Variants in FDCSP observed in about 807,000 individuals in gnomAD.
The protein encoded by FDCSP is follicular dendritic cell secreted protein, also known as follicular dendritic cell secreted peptide.
In FDCSP, 8 loss-of-function variants were observed where a neutral mutation model predicts 8.9. The observed-to-expected ratio is 0.90, with a 90% CI of 0.53 to 1.63. The LOEUF (loss-of-function observed/expected upper bound fraction) is 1.63, where lower values mean the gene tolerates loss of function less well. Among genes scored for constraint, FDCSP ranks in the 40% most tolerant of loss-of-function variants. FDCSP has a pLI of 0.00. For missense variants in FDCSP, 101 were observed against 103.6 expected (o/e 0.98, Z 0.11); for synonymous variants, 34 against 34.5 (o/e 0.98, Z 0.06).
chr4:70,231,383 G>T (rs568989429), intron 2 of FDCSP, 132 bp downstream of exon 2: 3 of 615,808 alleles, frequency 4.9e-6, no homozygotes, highest in Non-Finnish European at 7.9e-6. Context: ...AGTGGCTTAC[G>T]CCTGTATTCC....
chr4:70,232,985 G>A lies in FDCSP; in HGVS notation c.58-9G>A. On this transcript the variant is annotated splice_polypyrimidine_tract_variant and intron_variant, in intron 2 of 4. Coordinates refer to ENST00000317987, the MANE Select transcript of FDCSP (RefSeq NM_152997.4). ...ATGAGTTTAATTAATTTCACTATTT[G>A]ATCTTTAGGTCTCTCAAGACCAGGA... 6.3e-7 allele frequency: 1 copy of A among 1,588,562 alleles called. No homozygotes were observed. The highest frequency in any genetic ancestry group is 8.5e-7 in the Non-Finnish European group (1 of 1,169,824).
At chr4:70,232,941 T>C in intron 2 of FDCSP, 53 bp from the exon 3 acceptor site, 1 of 1,422,578 alleles carries the variant, frequency 7.0e-7, no homozygotes, top group Non-Finnish European at 9.7e-7. Context: ...TATATATTTA[T>C]TTGTGTGTTT....
chr4:70,233,629 G>C (rs1236386181), intron 3 of FDCSP, among the ~76,000 whole-genome samples: 3 of 151,646 alleles, frequency 2.0e-5, no homozygotes, highest in African/African-American at 7.3e-5. Context: ...AGATAATTGA[G>C]AGCAAAAGCA....
chr4:70,229,172 T>C (rs62307436), intron 1 of FDCSP, among the ~76,000 whole-genome samples: 18,583 of 151,778 alleles, frequency 0.12, 1,350 homozygotes, highest in East Asian at 0.27. Context: ...ATATCAACAC[T>C]TGCTGCTTTA....
chr4:70,229,531 C>T lies in FDCSP; in HGVS notation c.1-1664C>T, dbSNP rs62307437. 2.3e-4 allele frequency among the ~76,000 whole-genome samples: 35 copies of T among 151,832 alleles called. No homozygotes were observed. In the South Asian group the frequency reaches 7.1e-3, roughly 31 times the overall value. On this transcript the variant is annotated intron_variant, in intron 1 of 4. Transcript: ENST00000317987. ...TTTTGACATTCCTTCTTCACTAAATCGTTTTTACCTTTTGATGTAAAGTAG... is the reference window on the plus strand; with the variant it reads ...TTTTGACATTCCTTCTTCACTAAATTGTTTTTACCTTTTGATGTAAAGTAG...
In FDCSP at chr4:70,231,240, G is replaced by A; in HGVS notation, c.46G>A (p.Val16Ile). Residue 16 changes from valine to isoleucine, a missense_variant, in exon 2 of 5, where the codon GTT (valine) becomes ATT (isoleucine). By Grantham distance (29) the Val-to-Ile change is conservative. Transcript: ENST00000317987. Reference protein sequence around the residue: ...LLITAILAVAVGFPVSQDQER... With the variant: ...LLITAILAVAIGFPVSQDQER... Reference sequence around the variant, plus strand: ...GATCACAGCCATCTTGGCAGTGGCTGTTGGTTTCCCAGTAAGTATCCACGT... The same window carrying A: ...GATCACAGCCATCTTGGCAGTGGCTATTGGTTTCCCAGTAAGTATCCACGT... 6.2e-7 allele frequency: 1 copy of A among 1,603,578 alleles called. No individual in the cohort carries two copies. Among genetic ancestry groups the A allele is most frequent in the East Asian group, 2.3e-5 (1 of 44,366 alleles).
At chr4:70,233,105 T>A in intron 3 of FDCSP, 79 bp downstream of exon 3, 1 of 1,268,042 alleles carries the variant, frequency 7.9e-7, no homozygotes, top group Non-Finnish European at 1.1e-6. Context: ...TATTGATTTA[T>A]CTAAACCTCC....
chr4:70,233,715 CAA>C (rs1730126128), intron 3 of FDCSP, among the ~76,000 whole-genome samples: 1 of 151,570 alleles, frequency 6.6e-6, no homozygotes, highest in South Asian at 2.1e-4. Context: ...TGCATGAAGA[CAA>C]AGGGAGAAAT....
At chr4:70,232,523 C>G (rs1272826948) in intron 2 of FDCSP, among the ~76,000 whole-genome samples, 2 of 151,570 alleles carry the variant, frequency 1.3e-5, no homozygotes, top group African/African-American at 2.4e-5. Flanking sequence ...TAAGGACACT[C>G]TATGATGTTC....
chr4:70,231,882 C>T (rs1286786964), intron 2 of FDCSP, among the ~76,000 whole-genome samples: 2 of 151,578 alleles, frequency 1.3e-5, no homozygotes, highest in African/African-American at 2.4e-5. Flanking sequence ...AAAGCAGTGA[C>T]ATTGATGACC....
chr4:70,230,121 T>G (rs1730054956), intron 1 of FDCSP, among the ~76,000 whole-genome samples: 1 of 151,658 alleles, frequency 6.6e-6, no homozygotes, highest in Non-Finnish European at 1.5e-5. Context: ...AAAACCTTTA[T>G]AAACTAATAA....
chr4:70,231,330 C>A, intron 2 of FDCSP, 79 bp downstream of exon 2: 1 of 1,147,852 alleles, frequency 8.7e-7, no homozygotes, highest in Non-Finnish European at 1.3e-6. Context: ...GAACCACATA[C>A]ACAAGGGTGG....
chr4:70,226,425 C>T (rs1729986093), intron 1 of FDCSP, among the ~76,000 whole-genome samples: 1 of 151,596 alleles, frequency 6.6e-6, no homozygotes, highest in Non-Finnish European at 1.5e-5. Flanking sequence ...TTAGAGTGAC[C>T]ATAAATGAAT....
intron 1 of FDCSP, among the ~76,000 whole-genome samples, chr4:70,230,445 A>G (rs1323326768): frequency 2.6e-5 from 4 of 151,762 alleles, no homozygotes. Flanking sequence ...CTCAAATATA[A>G]TATTAACAAT....
At chr4:70,228,194 A>C (rs955631220) in intron 1 of FDCSP, among the ~76,000 whole-genome samples, 6 of 151,846 alleles carry the variant, frequency 4.0e-5, no homozygotes, top group Admixed American at 2.0e-4. Flanking sequence ...TTTATGTAGT[A>C]TTTTAAATCA....
chr4:70,234,178 C>T lies in FDCSP; in HGVS notation c.249C>T (p.Ser83=), dbSNP rs200937610. The T allele has an allele frequency of 1.3e-5, 21 of 1,607,960 alleles. No homozygotes were observed. The highest frequency in any genetic ancestry group is 2.2e-5 in the East Asian group (1 of 44,662). The change falls in exon 4 of 5, where the codon AGC becomes AGT. Residue 83 remains serine (S), a synonymous_variant. Coordinates refer to ENST00000317987, the MANE Select transcript of FDCSP (RefSeq NM_152997.4). ...CTGCCCCTACAACTCCCCTTCCTAG[C>T]GAAAAGTAAACAAGAAGGAAAAGTC... ...PESAPTTPLP[S]EK
At chr4:70,234,249 T>C in intron 4 of FDCSP, 34 bp downstream of exon 4, 1 of 1,456,318 alleles carries the variant, frequency 6.9e-7, no homozygotes, top group Middle Eastern at 1.8e-4. Flanking sequence ...TAGTTTATTT[T>C]AAGTTTGCAG....
intron 3 of FDCSP, among the ~76,000 whole-genome samples, chr4:70,233,296 T>C (rs901889804): frequency 6.6e-6 from 1 of 151,646 alleles, no homozygotes; most frequent in African/African-American, 2.4e-5. Context: ...TTTTACTAGA[T>C]TTATCTAGCC....
chr4:70,232,983 T>G lies in FDCSP; in HGVS notation c.58-11T>G. 6.3e-7 allele frequency: 1 copy of G among 1,590,378 alleles called. No individual in the cohort carries two copies. Among genetic ancestry groups the G allele is most frequent in the Non-Finnish European group, 8.5e-7 (1 of 1,170,560 alleles). Reference sequence around the variant, plus strand: ...GCATGAGTTTAATTAATTTCACTATTTGATCTTTAGGTCTCTCAAGACCAG... The same window carrying G: ...GCATGAGTTTAATTAATTTCACTATGTGATCTTTAGGTCTCTCAAGACCAG... On this transcript the variant is annotated splice_polypyrimidine_tract_variant and intron_variant, in intron 2 of 4. Coordinates refer to ENST00000317987, the MANE Select transcript of FDCSP (RefSeq NM_152997.4).
Sources: gnomAD v4.1 joint callset for allele counts (sites outside exome capture counted in the v4.1 genomes callset) on GRCh38, gnomAD v4.1.1 for gene constraint, MANE v1.5 for transcripts, NCBI Gene and HGNC (gene_info 2026-07-23, HGNC 2026-07-21) for gene names.